NTM: variants seen among roughly 807,000 people sequenced by gnomAD.
NTM encodes neurotrimin.
A neutral mutation model predicts 42.1 loss-of-function variants in NTM; 13 were observed. The observed-to-expected ratio is 0.31, with a 90% CI of 0.20 to 0.49. The LOEUF (loss-of-function observed/expected upper bound fraction) is 0.49, where lower values mean the gene tolerates loss of function less well. Ranked by LOEUF, NTM falls within the 20% of genes least tolerant of loss-of-function variation. The probability of loss-of-function intolerance (pLI) is 0.99; values close to 1 mark genes in which losing one functional copy is unlikely to be tolerated. For synonymous variants in NTM, 187 were observed against 179.2 expected, an observed-to-expected ratio of 1.04 and a Z score of -0.35; for missense variants, 373 against 452.8, an observed-to-expected ratio of 0.82 and a Z score of 1.60.
intron 4 of NTM, among the ~76,000 whole-genome samples, chr11:132,233,191 C>A (rs961979266): frequency 6.6e-6 from 1 of 150,474 alleles, no homozygotes; most frequent in Non-Finnish European, 1.5e-5. Context: ...CCAAGGCAGG[C>A]AGATCACTTG....
rs918989145 is a variant in NTM, at chr11:132,172,423, G to T, written c.400+25909G>T. ...AGGAGATGTCTCTGCCCAAGAAATG[G>T]TCTGAAAATGTGTTCAGAACCTACA... On this transcript the variant is annotated intron_variant, in intron 3 of 8. Transcript: ENST00000683400. 2.6e-4 allele frequency among the ~76,000 whole-genome samples: 40 copies of T among 152,156 alleles called. 1 individual carries two copies. Among genetic ancestry groups the T allele is most frequent in the African/African-American group, 8.9e-4 (37 of 41,428 alleles).
chr11:131,605,767 A>G (rs2060897729), intron 1 of NTM: 4 of 983,276 alleles, frequency 4.1e-6, no homozygotes, highest in Non-Finnish European at 4.8e-6. Flanking sequence ...AAAAATAAAT[A>G]AAGGTGCCCT....
intron 1 of NTM, among the ~76,000 whole-genome samples, chr11:131,696,492 A>AT (rs1024912847): frequency 1.3e-5 from 2 of 151,986 alleles, no homozygotes; most frequent in Non-Finnish European, 2.9e-5. Flanking sequence ...TTGTGTTTCC[A>AT]TTTTCCATAT....
intron 4 of NTM, among the ~76,000 whole-genome samples, chr11:132,259,216 G>A (rs888110598): frequency 6.6e-6 from 1 of 151,930 alleles, no homozygotes; most frequent in African/African-American, 2.4e-5. Context: ...AAATATGAAT[G>A]TAAGTTTTGA....
At chr11:132,157,285 C>T (rs947554364) in intron 3 of NTM, among the ~76,000 whole-genome samples, 6 of 152,162 alleles carry the variant, frequency 3.9e-5, no homozygotes, top group Admixed American at 3.9e-4. Context: ...CAAATTTAGT[C>T]TTTGTCACTG....
chr11:131,920,278 C>A (rs1358381389), intron 2 of NTM, among the ~76,000 whole-genome samples: 1 of 152,176 alleles, frequency 6.6e-6, no homozygotes, highest in African/African-American at 2.4e-5. Context: ...ACTCTCGCAG[C>A]TGTAATGTTC....
intron 1 of NTM, among the ~76,000 whole-genome samples, chr11:131,740,653 G>C (rs1182453253): frequency 1.3e-5 from 2 of 152,030 alleles, no homozygotes; most frequent in Admixed American, 6.5e-5. Context: ...TCTAATCCAT[G>C]AGTCTCTCTC....
chr11:132,092,927 A>T (rs982058539), intron 2 of NTM, among the ~76,000 whole-genome samples: 1 of 152,130 alleles, frequency 6.6e-6, no homozygotes, highest in South Asian at 2.1e-4. Flanking sequence ...CTGATCTCTC[A>T]TTGGGATTAT....
chr11:132,294,961 G>C (rs1300317561), intron 4 of NTM, among the ~76,000 whole-genome samples: 1 of 152,152 alleles, frequency 6.6e-6, no homozygotes, highest in Non-Finnish European at 1.5e-5. Flanking sequence ...TTTTAACTAA[G>C]AATATTTGTG....
chr11:131,872,463 A>T (rs2047887268), intron 1 of NTM, among the ~76,000 whole-genome samples: 1 of 152,196 alleles, frequency 6.6e-6, no homozygotes, highest in South Asian at 2.1e-4. Flanking sequence ...TTCAGCCAGG[A>T]TCTATGATCA....
chr11:131,814,172 C>T (rs1259569901), intron 1 of NTM, among the ~76,000 whole-genome samples: 1 of 152,142 alleles, frequency 6.6e-6, no homozygotes, highest in African/African-American at 2.4e-5. Context: ...AGTAAATCAC[C>T]AACACAAAAG....
intron 2 of NTM, among the ~76,000 whole-genome samples, chr11:131,975,664 G>A (rs1032986731): frequency 2.0e-5 from 3 of 152,148 alleles, no homozygotes. Context: ...TTTGTTTTGT[G>A]CCTTTTCTGC....
At chr11:131,842,832 G>A (rs759623257) in intron 1 of NTM, among the ~76,000 whole-genome samples, 9 of 152,154 alleles carry the variant, frequency 5.9e-5, no homozygotes, top group Middle Eastern at 6.8e-3. Flanking sequence ...CCAACATGGT[G>A]AAACCTCATT....
At chr11:132,257,958 T>C (rs2092606948) in intron 4 of NTM, among the ~76,000 whole-genome samples, 1 of 152,050 alleles carries the variant, frequency 6.6e-6, no homozygotes, top group Admixed American at 6.5e-5. Context: ...TACTGTGGCA[T>C]TTACTGTGTA....
At chr11:131,616,244 T>C (rs1369971609) in intron 1 of NTM, among the ~76,000 whole-genome samples, 1 of 152,164 alleles carries the variant, frequency 6.6e-6, no homozygotes, top group Non-Finnish European at 1.5e-5. Flanking sequence ...CCGTGCCACC[T>C]CCCAGGGCAG....
chr11:132,149,415 A>C (rs974976218), intron 3 of NTM, among the ~76,000 whole-genome samples: 6 of 152,186 alleles, frequency 3.9e-5, no homozygotes, highest in Non-Finnish European at 8.8e-5. Context: ...CCTTTAAAAA[A>C]AGAAATAAAA....
chr11:131,978,042 C>A (rs1440555305), intron 2 of NTM, among the ~76,000 whole-genome samples: 1 of 152,112 alleles, frequency 6.6e-6, no homozygotes, highest in African/African-American at 2.4e-5. Context: ...CAGAAGAAGG[C>A]TCTGTGGTCA....
intron 1 of NTM, chr11:131,535,344 T>A (rs2052010138): frequency 6.6e-6 from 1 of 152,020 alleles, no homozygotes; most frequent in South Asian, 2.1e-4. Flanking sequence ...CTCAAATCAA[T>A]AATATGGGAA....
At position 131,921,222 on chromosome 11, in the gene NTM, T is replaced by C. The variant is rs1205695602; in HGVS notation, c.167+9574T>C. 3.9e-5 allele frequency among the ~76,000 whole-genome samples: 6 copies of C among 152,298 alleles called. No homozygotes were observed. In the East Asian group the frequency reaches 1.2e-3, roughly 29 times the overall value. On this transcript the variant is annotated intron_variant, in intron 2 of 8. Transcript: ENST00000683400. ...TTTGTAAATATGGTTGCTACAGATG[T>C]AATTAGCTAAGGTGAGGTCATACTA...
Sources: gnomAD v4.1 joint callset for allele counts (sites outside exome capture counted in the v4.1 genomes callset) on GRCh38, gnomAD v4.1.1 for gene constraint, MANE v1.5 for transcripts, NCBI Gene and HGNC (gene_info 2026-07-23, HGNC 2026-07-21) for gene names.